Variants in AP1S3 observed in about 807,000 individuals in gnomAD.
The protein encoded by AP1S3 is adaptor related protein complex 1 subunit sigma 3, also known as AP-1 complex subunit sigma-3.
A neutral mutation model predicts 20.9 loss-of-function variants in AP1S3; 10 were observed. The ratio of observed to expected loss-of-function variants is 0.48; its 90% CI spans 0.29 to 0.81. The LOEUF (loss-of-function observed/expected upper bound fraction) is 0.81, where lower values mean the gene tolerates loss of function less well. AP1S3 is among the 30% of genes least tolerant of loss of function. The pLI is 0.08. For missense variants in AP1S3, 154 were observed against 183.8 expected (o/e 0.84, Z 0.94); for synonymous variants, 41 against 61.5 (o/e 0.67, Z 1.56).
At chr2:223,833,111 G>A (rs1692315278) in intron 1 of AP1S3, among the ~76,000 whole-genome samples, 1 of 152,080 alleles carries the variant, frequency 6.6e-6, no homozygotes, top group Admixed American at 6.6e-5. Flanking sequence ...ATGTGGTTTT[G>A]TGTCACCTCA....
chr2:223,793,691 T>A (rs929187727), intron 1 of AP1S3, among the ~76,000 whole-genome samples: 1 of 152,120 alleles, frequency 6.6e-6, no homozygotes, highest in African/African-American at 2.4e-5. Context: ...AAGTATATAA[T>A]ACATTATTAT....
rs888485242 is a variant in AP1S3 at position 223,757,586 on chromosome 2, C to A, written c.*1129G>T. The A allele has an allele frequency of 4.1e-6, 4 of 984,996 alleles. No homozygotes were observed. The Admixed American group carries it at 2.5e-4, about 61-fold the overall frequency. 61.0% of individuals were successfully genotyped at this position (984,996 alleles called of 1,614,324 possible). On this transcript the variant is annotated 3_prime_UTR_variant, in exon 5 of 5. Transcript: ENST00000396654. Reference sequence around the variant, plus strand: ...TACAGGTGTAAGCCACCACTCCCGGCCTACAAGCTATTTCCCTGTAATATG... The same window carrying A: ...TACAGGTGTAAGCCACCACTCCCGGACTACAAGCTATTTCCCTGTAATATG...
chr2:223,828,298 T>C (rs1425536411), intron 1 of AP1S3, among the ~76,000 whole-genome samples: 1 of 146,172 alleles, frequency 6.8e-6, no homozygotes, highest in African/African-American at 2.5e-5. Flanking sequence ...TCTCTCTCTT[T>C]TTTTTTTTTT....
At chr2:223,835,790 T>C (rs1292707019) in intron 1 of AP1S3, among the ~76,000 whole-genome samples, 2 of 152,324 alleles carry the variant, frequency 1.3e-5, no homozygotes, top group Non-Finnish European at 2.9e-5. Flanking sequence ...CCACAGGTAT[T>C]GTCCAGAGGA....
intron 1 of AP1S3, among the ~76,000 whole-genome samples, chr2:223,804,434 C>T (rs570468500): frequency 2.0e-5 from 3 of 152,218 alleles, no homozygotes; most frequent in East Asian, 1.9e-4. Flanking sequence ...TATGGTGGCT[C>T]ATGCCTGTAA....
Position 223,794,711 on chromosome 2 carries a change from G to C in AP1S3, c.4-16842C>G, listed in dbSNP as rs991979352. ...TCCATGGTTTACCTTTGAATGTCAG[G>C]ATGAGCCCTTAAAACAATTATCCTG... On this transcript the variant is annotated intron_variant, in intron 1 of 4. Coordinates refer to ENST00000396654, the MANE Select transcript of AP1S3 (RefSeq NM_001039569.2). Among the ~76,000 whole-genome samples the C allele has an allele frequency of 3.3e-5, 5 of 152,108 alleles. 1 individual carries two copies. Among genetic ancestry groups the C allele is most frequent in the African/African-American group, 1.2e-4 (5 of 41,432 alleles).
chr2:223,809,609 A>T (rs1053582718), intron 1 of AP1S3, among the ~76,000 whole-genome samples: 1 of 151,678 alleles, frequency 6.6e-6, no homozygotes, highest in Non-Finnish European at 1.5e-5. Flanking sequence ...GCGCCACTGC[A>T]CTCCAGCCTG....
At chr2:223,832,764 C>CAA (rs1692303533) in intron 1 of AP1S3, among the ~76,000 whole-genome samples, 2 of 151,600 alleles carry the variant, frequency 1.3e-5, no homozygotes, top group Admixed American at 6.6e-5. Flanking sequence ...CCCTCAACAA[C>CAA]TCCCTGAGAT....
chr2:223,776,441 T>C (rs528124230), intron 2 of AP1S3, among the ~76,000 whole-genome samples: 1 of 152,306 alleles, frequency 6.6e-6, no homozygotes, highest in Admixed American at 6.5e-5. Context: ...CCTCCTCAAT[T>C]TGTCAAACTC....
At chr2:223,831,194 A>T (rs578007530) in intron 1 of AP1S3, among the ~76,000 whole-genome samples, 130 of 152,134 alleles carry the variant, frequency 8.5e-4, no homozygotes, top group African/African-American at 2.9e-3. Context: ...GCAGTGGCAC[A>T]ATCATGGCTC....
chr2:223,777,782 T>G lies in AP1S3; in HGVS notation c.91A>C (p.Ile31Leu). 1 of 1,614,178 alleles carries G rather than the reference T, an allele frequency of 6.2e-7. No individual in the cohort carries two copies. Among genetic ancestry groups the G allele is most frequent in the Non-Finnish European group, 8.5e-7 (1 of 1,180,022 alleles). Residue 31 changes from isoleucine (I) to leucine (L), a missense_variant, in exon 2 of 5, where the codon ATC becomes CTC. By Grantham distance (5) the Ile-to-Leu change is conservative (BLOSUM62 2). Coordinates refer to ENST00000396654, the MANE Select transcript of AP1S3 (RefSeq NM_001039569.2). ...ATAATCTGAACAATTTCCCGGGTGA[T>G]CTTCTTCCTCTCTTTATCAGGGAGA... is the stretch of plus-strand genomic sequence containing the variant. The part of the protein sequence containing the change: ...ITLPDKERKK[I>L]TREIVQIILS...
chr2:223,769,228 G>A (rs1322660077), intron 3 of AP1S3, among the ~76,000 whole-genome samples: 1 of 152,200 alleles, frequency 6.6e-6, no homozygotes, highest in East Asian at 1.9e-4. Flanking sequence ...TTTGAGTATA[G>A]TGTAGGAATA....
chr2:223,801,379 C>G (rs1047231753), intron 1 of AP1S3, among the ~76,000 whole-genome samples: 1 of 152,212 alleles, frequency 6.6e-6, no homozygotes, highest in Non-Finnish European at 1.5e-5. Context: ...AAGAGATATA[C>G]GCTGGCACCA....
At chr2:223,789,745 G>A (rs1257165167) in intron 1 of AP1S3, among the ~76,000 whole-genome samples, 4 of 150,892 alleles carry the variant, frequency 2.7e-5, no homozygotes, top group African/African-American at 9.8e-5. Context: ...GGCTGAGGTA[G>A]GAGGATCGCT....
chr2:223,756,846 ACACAC>A lies in AP1S3; in HGVS notation c.*1864_*1868del. 1 of 985,426 alleles carries A rather than the reference ACACAC, an allele frequency of 1.0e-6. No individual in the cohort carries two copies. The highest frequency in any genetic ancestry group is 1.2e-6 in the Non-Finnish European group (1 of 829,944). 61.0% of individuals were successfully genotyped at this position (985,426 alleles called of 1,614,324 possible). A position where few individuals can be genotyped will look rare whatever the true frequency, so the allele number is the denominator to read the frequency against. On this transcript the variant is annotated 3_prime_UTR_variant, in exon 5 of 5. Transcript: ENST00000396654. The stretch of plus-strand genomic sequence containing the variant: ...GATCTCCTAAAGAATCCAACAGGAA[ACACAC>A]TCTTCTAGGAAATCACTGGAGGTCC...
rs181777134 is a variant in AP1S3 at position 223,802,120 on chromosome 2, G to T, written c.4-24251C>A. Among the ~76,000 whole-genome samples, 30 of 152,220 alleles carry T rather than the reference G, an allele frequency of 2.0e-4. No individual in the cohort carries two copies. The East Asian group carries it at 5.8e-3, about 29-fold the overall frequency. On this transcript the variant is annotated intron_variant, in intron 1 of 4. Transcript: ENST00000396654. ...TATATCTCTACTGAGGGTCTGGAAC[G>T]TTATTGAGAGGAGGAGCCATTACTT...
In AP1S3 at chr2:223,776,007, T is replaced by C; in HGVS notation, c.185A>G (p.Tyr62Cys). The C allele has an allele frequency of 6.2e-7, 1 of 1,612,244 alleles. No homozygotes were observed. ...WKELKLVYKRYASLYFCCAIE... is the reference protein window; with the variant it reads ...WKELKLVYKRCASLYFCCAIE... ...TGCACAGCAAAAATATAAACTAGCA[T>C]ACCTTGAAATGAAAAATAACAAAAG... The change falls in exon 3 of 5, where the codon TAT (tyrosine) becomes TGT (cysteine). Residue 62 changes from tyrosine (Y) to cysteine (C), a missense_variant and splice_region_variant. Coordinates refer to ENST00000396654, the MANE Select transcript of AP1S3 (RefSeq NM_001039569.2).
chr2:223,806,207 C>A (rs984471316), intron 1 of AP1S3, among the ~76,000 whole-genome samples: 2 of 151,766 alleles, frequency 1.3e-5, no homozygotes. Context: ...CTGGTAATCA[C>A]GTCAGGAAAT....
chr2:223,805,047 T>C (rs559823878), intron 1 of AP1S3, among the ~76,000 whole-genome samples: 30 of 152,178 alleles, frequency 2.0e-4, no homozygotes, highest in Non-Finnish European at 4.1e-4. Flanking sequence ...TGAAGTTGCC[T>C]CAGAATAGCA....
Sources: gnomAD v4.1 joint callset for allele counts (sites outside exome capture counted in the v4.1 genomes callset) on GRCh38, gnomAD v4.1.1 for gene constraint, MANE v1.5 for transcripts, NCBI Gene and HGNC (gene_info 2026-07-23, HGNC 2026-07-21) for gene names.